Variants in MAP3K2 observed in about 807,000 individuals in gnomAD.
The protein encoded by MAP3K2 is MAP/ERK kinase kinase 2.
Under a neutral mutation model 80.3 loss-of-function variants are expected in MAP3K2, and 24 were observed. The ratio of observed to expected loss-of-function variants is 0.30; its 90% CI spans 0.22 to 0.42. The LOEUF (loss-of-function observed/expected upper bound fraction) is 0.42. Among genes scored for constraint, MAP3K2 ranks in the 10% least tolerant of loss-of-function variants. The pLI, the probability that MAP3K2 is intolerant of heterozygous loss-of-function variation, is 1.00. For missense variants in MAP3K2, 608 were observed against 750.1 expected (o/e 0.81, Z 2.21); for synonymous variants, 244 against 253.7 (o/e 0.96, Z 0.36).
At chr2:127,324,028 T>C (rs932795182) in intron 10 of MAP3K2, 34 bp from the exon 11 acceptor site, 15 of 1,103,136 alleles carry the variant, frequency 1.4e-5, no homozygotes, top group Non-Finnish European at 1.7e-5. Context: ...ATCTTTTATT[T>C]AAAAAAAAAA....
At chr2:127,367,152 A>T (rs1686987592) in intron 1 of MAP3K2, among the ~76,000 whole-genome samples, 1 of 152,148 alleles carries the variant, frequency 6.6e-6, no homozygotes. Context: ...TTGGGGGTGA[A>T]GTCAAAAGAA....
chr2:127,341,020 C>T (rs116599156), intron 2 of MAP3K2, among the ~76,000 whole-genome samples: 2,280 of 152,022 alleles, frequency 0.015, 52 homozygotes, highest in African/African-American at 0.052. Flanking sequence ...GATGGATTCT[C>T]GCTCTATTGC....
At chr2:127,313,500 G>C (rs910336208) in intron 15 of MAP3K2, among the ~76,000 whole-genome samples, 3 of 152,172 alleles carry the variant, frequency 2.0e-5, no homozygotes, top group African/African-American at 7.2e-5. Flanking sequence ...GAATGTTCTT[G>C]TTGGTCTGAA....
intron 8 of MAP3K2, among the ~76,000 whole-genome samples, chr2:127,326,162 T>C (rs11890187): frequency 0.37 from 56,785 of 151,430 alleles, 11,369 homozygotes; most frequent in East Asian, 0.62. Context: ...AACTGAACAA[T>C]GGCCCCACCC....
intron 7 of MAP3K2, 77 bp from the exon 8 acceptor site, chr2:127,326,894 G>A: frequency 1.2e-6 from 1 of 805,934 alleles, no homozygotes; most frequent in Non-Finnish European, 1.8e-6. Context: ...CTATATTTCT[G>A]AATTATATCA....
chr2:127,320,027 CAGA>C (rs1477955888), intron 12 of MAP3K2, among the ~76,000 whole-genome samples: 3 of 152,124 alleles, frequency 2.0e-5, no homozygotes, highest in Admixed American at 6.5e-5. Context: ...AACGGCCTAG[CAGA>C]AGAAGAGCTG....
At chr2:127,327,918 T>C (rs1413363383) in intron 7 of MAP3K2, among the ~76,000 whole-genome samples, 5 of 152,256 alleles carry the variant, frequency 3.3e-5, no homozygotes, top group Non-Finnish European at 1.5e-5. Context: ...GTAATTTTAA[T>C]TCAAAATATA....
chr2:127,322,213 G>A lies in MAP3K2; in HGVS notation c.878C>T (p.Thr293Ile). The change falls in exon 12 of 17, where the codon ACC becomes ATC. Residue 293 changes from threonine (T) to isoleucine (I), a missense_variant. Physicochemically the swap from Thr to Ile is moderately conservative, Grantham distance 89 (BLOSUM62 -1). This residue lies in a region of MAP3K2 where 467 missense variants were observed against 521.9 expected (regional missense o/e 0.89). Coordinates refer to ENST00000682094, the MANE Select transcript of MAP3K2 (RefSeq NM_001371910.2). The surrounding 1 kb of genome is among the most constrained non-coding windows in gnomAD (Gnocchi z 4.2). ...GAAACTCACAGGAGACCGTAAGCTGGTCCCCTGGGTCCTTCTAGCTCTTGG... is the reference window on the plus strand; with the variant it reads ...GAAACTCACAGGAGACCGTAAGCTGATCCCCTGGGTCCTTCTAGCTCTTGG... ...TFPRARRTQG[T>I]SLRSPVSFSP... 1.9e-6 allele frequency: 3 copies of A among 1,613,876 alleles called. No homozygotes were observed. The highest frequency in any genetic ancestry group is 2.5e-6 in the Non-Finnish European group (3 of 1,179,846).
chr2:127,353,172 G>A (rs1686727294), intron 1 of MAP3K2, among the ~76,000 whole-genome samples: 1 of 151,956 alleles, frequency 6.6e-6, no homozygotes, highest in African/African-American at 2.4e-5. Context: ...CGTCTGGGAT[G>A]TGAGGAGCCC....
intron 14 of MAP3K2, 84 bp from the exon 15 acceptor site, chr2:127,314,967 G>GAC: frequency 1.1e-6 from 1 of 948,300 alleles, no homozygotes; most frequent in Admixed American, 2.8e-5. Flanking sequence ...AGTAAAGAGG[G>GAC]CAGGAATTCT....
chr2:127,351,217 G>A (rs956319078), intron 1 of MAP3K2, among the ~76,000 whole-genome samples: 5 of 152,040 alleles, frequency 3.3e-5, no homozygotes, highest in African/African-American at 1.2e-4. Flanking sequence ...TGGGTTCTGT[G>A]GATTAGATGA....
intron 1 of MAP3K2, among the ~76,000 whole-genome samples, chr2:127,345,176 T>A (rs769538668): frequency 6.6e-6 from 1 of 152,052 alleles, no homozygotes; most frequent in Non-Finnish European, 1.5e-5. Context: ...ACAAAATAGG[T>A]TGACAGTAAA....
intron 1 of MAP3K2, among the ~76,000 whole-genome samples, chr2:127,365,030 A>C (rs542710218): frequency 8.0e-6 from 1 of 125,560 alleles, no homozygotes; most frequent in Non-Finnish European, 1.6e-5. Context: ...TGGGAGGCTG[A>C]GGTTTGAGCC....
intron 12 of MAP3K2, among the ~76,000 whole-genome samples, chr2:127,319,147 C>A (rs577229507): frequency 6.6e-6 from 1 of 150,600 alleles, no homozygotes; most frequent in Non-Finnish European, 1.5e-5. Context: ...CCCTAAGAAA[C>A]GAGAGCCTTC....
At position 127,301,276 on chromosome 2, in the gene MAP3K2, C is replaced by T. The variant is rs942605587; in HGVS notation, c.*6303G>A. The T allele has an allele frequency of 2.6e-5, 4 of 152,210 alleles. No homozygotes were observed. The highest frequency in any genetic ancestry group is 7.2e-5 in the African/African-American group (3 of 41,450). The allele number at this position is 152,210 out of a possible 1,614,324, so 9.4% of individuals were successfully genotyped here. The stretch of plus-strand genomic sequence containing the variant: ...ATGTTAAGACACTAGGAAGAAAGTT[C>T]GCCATCAACCTGAGGCATCAGACGT... On this transcript the variant is annotated 3_prime_UTR_variant, in exon 17 of 17. Coordinates refer to ENST00000682094, the MANE Select transcript of MAP3K2 (RefSeq NM_001371910.2).
upstream of MAP3K2, chr2:127,388,450 T>C (rs192154491): frequency 9.7e-3 from 9,534 of 978,530 alleles, 53 homozygotes; most frequent in Admixed American, 0.011. Flanking sequence ...ATTTTTTTCC[T>C]GAGGGACTTT....
At chr2:127,355,669 C>A (rs1354303970) in intron 1 of MAP3K2, among the ~76,000 whole-genome samples, 2 of 152,078 alleles carry the variant, frequency 1.3e-5, no homozygotes, top group African/African-American at 2.4e-5. Context: ...GTTGGGGTGA[C>A]TAGGGCAATT....
intron 1 of MAP3K2, among the ~76,000 whole-genome samples, chr2:127,374,613 T>C (rs968583849): frequency 1.3e-5 from 2 of 152,252 alleles, no homozygotes; most frequent in African/African-American, 4.8e-5. Flanking sequence ...AAACAGATGT[T>C]ACACGCATCC....
At position 127,338,951 on chromosome 2, in the gene MAP3K2, G is replaced by C; in HGVS notation, c.104C>G (p.Ser35Cys). 1 of 1,607,984 alleles carries C rather than the reference G, an allele frequency of 6.2e-7. No individual in the cohort carries two copies. The highest frequency in any genetic ancestry group is 8.5e-7 in the Non-Finnish European group (1 of 1,177,096). The change falls in exon 3 of 17, where the codon TCT becomes TGT. Residue 35 changes from serine to cysteine, a missense_variant. Physicochemically the swap from Ser to Cys is moderately radical, Grantham distance 112. Coordinates refer to ENST00000682094, the MANE Select transcript of MAP3K2 (RefSeq NM_001371910.2). ...LSLQETRKAK[S>C]SSPKKQNDVR... The stretch of plus-strand genomic sequence containing the variant: ...AAATACCTGTTTTTTTGGTGATGAA[G>C]ATTTTGCTTTTCTGGTTTCCTGCAA...
Sources: gnomAD v4.1 joint callset for allele counts (sites outside exome capture counted in the v4.1 genomes callset) on GRCh38, gnomAD v4.1.1 for gene constraint, gnomAD v4.1.1 regional missense constraint, Gnocchi (gnomAD v3.1) non-coding constraint, MANE v1.5 for transcripts, NCBI Gene and HGNC (gene_info 2026-07-23, HGNC 2026-07-21) for gene names.